PSG2: variants seen among roughly 807,000 people sequenced by gnomAD.
PSG2 encodes pregnancy-specific beta-1-glycoprotein 2.
A neutral mutation model predicts 36.2 loss-of-function variants in PSG2; 49 were observed. That is an observed-to-expected ratio of 1.35 (90% CI 1.08 to 1.72). The LOEUF (loss-of-function observed/expected upper bound fraction) is 1.72, where lower values mean the gene tolerates loss of function less well. Ranked by LOEUF, PSG2 falls within the 40% of genes most tolerant of loss-of-function variation. PSG2 has a pLI of 0.00. For synonymous variants in PSG2, 261 were observed against 155.6 expected, an observed-to-expected ratio of 1.68 and a Z score of -5.04; for missense variants, 605 against 407.2, an observed-to-expected ratio of 1.49 and a Z score of -4.18.
At position 43,079,991 on chromosome 19, in the gene PSG2, A is replaced by G. The variant is rs190945356; in HGVS notation, c.430+890T>C. Among the ~76,000 whole-genome samples the G allele has an allele frequency of 2.8e-4, 42 of 151,812 alleles. No individual in the cohort carries two copies. The East Asian group carries it at 6.9e-3, about 25-fold the overall frequency. ...CTCAATCAAATAAGCTAAATGGCAAATGGACTGTGGCTTTTCATGCTATCT... is the reference window on the plus strand; with the variant it reads ...CTCAATCAAATAAGCTAAATGGCAAGTGGACTGTGGCTTTTCATGCTATCT... On this transcript the variant is annotated intron_variant, in intron 2 of 5. Transcript: ENST00000406487.
In PSG2 at chr19:43,081,190, G is replaced by T. The variant is rs536871737; in HGVS notation, c.121C>A (p.Gln41Lys). 9.9e-6 allele frequency: 16 copies of T among 1,612,690 alleles called. No homozygotes were observed. The highest frequency in any genetic ancestry group is 2.2e-5 in the East Asian group (1 of 44,852). The change falls in exon 2 of 6, where the codon CAG becomes AAG. Residue 41 changes from glutamine to lysine, a missense_variant. Coordinates refer to ENST00000406487, the MANE Select transcript of PSG2 (RefSeq NM_031246.4). ...TTCCCCTCGGAAACTTTTGGTGGCT[G>T]GGCTTCAATCGTGACTTGGGCAGTG... ...PTTAQVTIEA[Q>K]PPKVSEGKDV...
In PSG2 at chr19:43,081,117, T is replaced by A; in HGVS notation, c.194A>T (p.Tyr65Phe). ...VHNLPQNLTG[Y>F]IWYKGQIRDL... ...CCTGATTTGCCCTTTGTACCAGATG[T>A]AGCCAGTAAGATTCTGGGGCAAATT... Residue 65 changes from tyrosine to phenylalanine, a missense_variant, in exon 2 of 6, where the codon TAC becomes TTC. Tyr to Phe is a conservative substitution (Grantham distance 22). Coordinates refer to ENST00000406487, the MANE Select transcript of PSG2 (RefSeq NM_031246.4). The A allele has an allele frequency of 1.1e-5, 17 of 1,612,906 alleles. 1 individual carries two copies. The highest frequency in any genetic ancestry group is 1.4e-5 in the Non-Finnish European group (17 of 1,179,684).
At position 43,064,348 on chromosome 19, in the gene PSG2, G is replaced by GA. The variant is rs1004514800; in HGVS notation, c.*293dup. 2 of 286,698 alleles carry GA rather than the reference G, an allele frequency of 7.0e-6. No individual in the cohort carries two copies. The highest frequency in any genetic ancestry group is 6.1e-5 in the East Asian group (1 of 16,410). The allele number at this position is 286,698 out of a possible 1,614,324, so 17.8% of individuals were successfully genotyped here. ...AAAGTATACTTTACCAATTGCTCAA[G>GA]AAAAAATGTTCATAAATCTGGAGAA... On this transcript the variant is annotated 3_prime_UTR_variant, in exon 6 of 6. Transcript: ENST00000406487.
chr19:43,065,370 C>G (rs1291645443), intron 5 of PSG2: 1 of 151,512 alleles, frequency 6.6e-6, no homozygotes, highest in East Asian at 1.9e-4. Flanking sequence ...AATTCCAGTA[C>G]TTTTAGCTGA....
chr19:43,072,257 T>C (rs534414510), intron 3 of PSG2: 1 of 1,551,214 alleles, frequency 6.4e-7, no homozygotes, highest in African/African-American at 1.4e-5. Context: ...GAAGTAAAGT[T>C]GTCTATACTT....
At chr19:43,072,668 C>T in intron 3 of PSG2, 1 of 1,603,980 alleles carries the variant, frequency 6.2e-7, no homozygotes, top group Non-Finnish European at 8.5e-7. Flanking sequence ...CTGTGTGGCA[C>T]TTTTGATTCC....
rs774918297 is a variant in PSG2, at chr19:43,081,064, C to T, written c.247G>A (p.Val83Ile). 52 of 1,612,728 alleles carry T rather than the reference C, an allele frequency of 3.2e-5. No homozygotes were observed. The highest frequency in any genetic ancestry group is 3.3e-5 in the South Asian group (3 of 91,024). Residue 83 changes from valine (V) to isoleucine (I), a missense_variant, in exon 2 of 6, where the codon GTA becomes ATA. Transcript: ENST00000406487. ...RDLYHYITSYVVDGQIIIYGP... is the reference protein window; with the variant it reads ...RDLYHYITSYIVDGQIIIYGP... ...TATATAATTATTTGACCGTCTACTA[C>T]ATATGATGTAATGTAATGGTAGAGG...
At chr19:43,072,384 T>C in intron 3 of PSG2, 2 of 1,612,704 alleles carry the variant, frequency 1.2e-6, no homozygotes, top group Admixed American at 3.3e-5. Context: ...TCACTGTGGA[T>C]GCCACCATAT....
chr19:43,069,092 G>A (rs1967781894), intron 4 of PSG2, among the ~76,000 whole-genome samples: 1 of 151,258 alleles, frequency 6.6e-6, no homozygotes, highest in African/African-American at 2.4e-5. Flanking sequence ...GGGAAATTAG[G>A]AAAAAAATTT....
rs553146503 is a variant in PSG2, at chr19:43,066,783, G to T, written c.965-183C>A. 2.1e-4 allele frequency among the ~76,000 whole-genome samples: 32 copies of T among 151,630 alleles called. No homozygotes were observed. The East Asian group carries it at 3.1e-3, about 15-fold the overall frequency. ...CAGTTTTTTTTCCCTCTCACCATGT[G>T]TCTCGGTTGGTGATCAGTCCTCTGT... On this transcript the variant is annotated intron_variant, in intron 4 of 5. Transcript: ENST00000406487.
intron 4 of PSG2, among the ~76,000 whole-genome samples, chr19:43,070,178 C>A (rs1160125583): frequency 6.6e-6 from 1 of 151,524 alleles, no homozygotes; most frequent in East Asian, 1.9e-4. Flanking sequence ...TAAACAACAA[C>A]AATGACAGCA....
At chr19:43,066,724 C>T (rs1255416219) in intron 4 of PSG2, 124 bp from the exon 5 acceptor site, 18 of 1,373,106 alleles carry the variant, frequency 1.3e-5, no homozygotes, top group Non-Finnish European at 1.8e-5. Context: ...CATTATTTCT[C>T]TTGGAATATT....
intron 4 of PSG2, among the ~76,000 whole-genome samples, chr19:43,070,376 T>C (rs1211103377): frequency 2.0e-5 from 3 of 151,582 alleles, no homozygotes; most frequent in Non-Finnish European, 2.9e-5. Context: ...TGAAAGAAAT[T>C]TGAACAAATA....
intron 4 of PSG2, among the ~76,000 whole-genome samples, chr19:43,067,997 C>T (rs7245705): frequency 0.012 from 1,770 of 151,042 alleles, 60 homozygotes; most frequent in African/African-American, 0.039. Flanking sequence ...TTAGAGTGGA[C>T]ATAAATAAAA....
At chr19:43,077,573 A>T (rs893913163) in intron 2 of PSG2, among the ~76,000 whole-genome samples, 4 of 151,696 alleles carry the variant, frequency 2.6e-5, no homozygotes, top group African/African-American at 9.7e-5. Context: ...AAGAACTCCA[A>T]CTTATGAAAA....
chr19:43,078,492 G>A (rs978316991), intron 2 of PSG2, among the ~76,000 whole-genome samples: 2 of 151,584 alleles, frequency 1.3e-5, no homozygotes, highest in African/African-American at 4.9e-5. Flanking sequence ...TTTGCATTCT[G>A]GCAACTGGCT....
chr19:43,067,543 C>G (rs2122894463), intron 4 of PSG2, among the ~76,000 whole-genome samples: 1 of 151,512 alleles, frequency 6.6e-6, no homozygotes, highest in Non-Finnish European at 1.5e-5. Flanking sequence ...CTCATTTAAT[C>G]CACACAATAA....
Position 43,075,475 on chromosome 19 carries a change from G to C in PSG2, c.588C>G (p.Ser196=). 8 of 1,613,096 alleles carry C rather than the reference G, an allele frequency of 5.0e-6. No individual in the cohort carries two copies. The highest frequency in any genetic ancestry group is 3.3e-5 in the South Asian group (3 of 91,046). The change falls in exon 3 of 6, where the codon TCC becomes TCG. Residue 196 remains serine (S), a synonymous_variant. Coordinates refer to ENST00000406487, the MANE Select transcript of PSG2 (RefSeq NM_031246.4). The part of the protein sequence containing the change: ...SLPMTHRFQL[S]ETNRTLFLFG... ...ATAGAAAGAGGGTCCTGTTGGTTTC[G>C]GACAGCTGAAACCTATGAGTCATAG...
chr19:43,071,995 G>A (rs1159622644), intron 3 of PSG2, 41 bp from the exon 4 acceptor site: 1 of 1,602,046 alleles, frequency 6.2e-7, no homozygotes, highest in East Asian at 2.2e-5. Flanking sequence ...TGCCATCTGA[G>A]GGAAGGGGAT....
Sources: gnomAD v4.1 joint callset for allele counts (sites outside exome capture counted in the v4.1 genomes callset) on GRCh38, gnomAD v4.1.1 for gene constraint, MANE v1.5 for transcripts, NCBI Gene and HGNC (gene_info 2026-07-23, HGNC 2026-07-21) for gene names.